The following KDM5A variants were observed in gnomAD, a reference collection of about 807,000 sequenced individuals.
KDM5A encodes the protein lysine demethylase 5A.
A neutral mutation model predicts 193.5 loss-of-function variants in KDM5A; 42 were observed. The observed-to-expected ratio is 0.22, with a 90% confidence interval of 0.17 to 0.28. The LOEUF (loss-of-function observed/expected upper bound fraction) is 0.28, where lower values mean the gene tolerates loss of function less well. KDM5A is among the 10% of genes least tolerant of loss of function. KDM5A has a pLI of 1.00. For synonymous variants in KDM5A, 796 were observed against 718.1 expected, an observed-to-expected ratio of 1.11 and a Z score of -1.73; for missense variants, 1,692 against 2,055.1, an observed-to-expected ratio of 0.82 and a Z score of 3.42.
At chr12:359,657 G>A (rs903624780) in intron 5 of KDM5A, among the ~76,000 whole-genome samples, 10 of 150,410 alleles carry the variant, frequency 6.6e-5, no homozygotes, top group Non-Finnish European at 1.3e-4. Context: ...TGGGAGGATG[G>A]CTTTAGCCCA....
intron 18 of KDM5A, among the ~76,000 whole-genome samples, chr12:319,541 AG>A (rs1324734318): frequency 6.6e-6 from 1 of 152,192 alleles, no homozygotes; most frequent in East Asian, 1.9e-4. Context: ...GCTTGAGCTC[AG>A]GAGTTTTGAG....
At chr12:323,287 A>G in intron 15 of KDM5A, 81 bp from the exon 16 acceptor site, 1 of 1,436,506 alleles carries the variant, frequency 7.0e-7, no homozygotes, top group Non-Finnish European at 9.3e-7. Context: ...TTAAAAATAA[A>G]GTTTTAAATA....
intron 24 of KDM5A, among the ~76,000 whole-genome samples, chr12:302,346 C>T (rs1279128542): frequency 1.3e-5 from 2 of 152,152 alleles, no homozygotes; most frequent in African/African-American, 4.8e-5. Flanking sequence ...TAGAACAGAA[C>T]AGAGGCCTCA....
chr12:350,915 C>T (rs1018696286), intron 9 of KDM5A, 136 bp from the exon 10 acceptor site: 5 of 774,152 alleles, frequency 6.5e-6, no homozygotes, highest in African/African-American at 3.5e-5. Context: ...CAGTAAAGAC[C>T]GAGATCCTAG....
At chr12:318,595 GAT>G (rs907524131) in intron 18 of KDM5A, 134 bp from the exon 19 acceptor site, 48 of 653,724 alleles carry the variant, frequency 7.3e-5, no homozygotes, top group Non-Finnish European at 1.2e-4. Flanking sequence ...CAAATATTCA[GAT>G]ATGACAGTTA....
intron 10 of KDM5A, 62 bp from the exon 11 acceptor site, chr12:334,484 C>T (rs1299243684): frequency 1.1e-5 from 15 of 1,409,428 alleles, no homozygotes; most frequent in African/African-American, 1.4e-5. Context: ...AATAGAAATG[C>T]CAAGGGAGTC....
intron 14 of KDM5A, 118 bp downstream of exon 14, chr12:328,717 A>T: frequency 2.3e-6 from 2 of 852,854 alleles, no homozygotes; most frequent in Non-Finnish European, 3.7e-6. Context: ...ATCTTCTCCA[A>T]ATCAGTGATC....
intron 27 of KDM5A, among the ~76,000 whole-genome samples, chr12:289,895 T>TTTTC (rs1310831543): frequency 2.7e-5 from 4 of 146,474 alleles, no homozygotes; most frequent in Non-Finnish European, 6.0e-5. Context: ...AAGCATGATT[T>TTTTC]TTTCTTTCTT....
intron 3 of KDM5A, among the ~76,000 whole-genome samples, chr12:371,044 T>C (rs1273304390): frequency 6.7e-6 from 1 of 148,758 alleles, no homozygotes; most frequent in Non-Finnish European, 1.5e-5. Context: ...GTTCCAAGTC[T>C]TTGCTATTGT....
Position 352,249 on chromosome 12 carries a change from T to C in KDM5A, c.1105A>G (p.Met369Val), listed in dbSNP as rs537935217. 3.1e-6 allele frequency: 5 copies of C among 1,611,196 alleles called. No homozygotes were observed. Among genetic ancestry groups the C allele is most frequent in the East Asian group, 2.2e-5 (1 of 44,752 alleles). Residue 369 changes from methionine to valine, a missense_variant, in exon 9 of 28, where the codon ATG becomes GTG. Met to Val is a conservative substitution (Grantham distance 21). This residue lies in a region of KDM5A where 62 missense variants were observed against 107.1 expected (regional missense o/e 0.58). Transcript: ENST00000399788. ...REYTLQSFGE[M>V]ADNFKSDYFN... ...TAATCAGACTTAAAATTATCTGCCA[T>C]CTCTCCAAAGCTCTGAAGTGTATAC...
In KDM5A at chr12:292,918, A is replaced by C; in HGVS notation, c.4707T>G (p.Ala1569=). ...EERKKKKEKA[A]AAKVELVKES... is the part of the protein sequence containing the mutation. ...CTTTCACAAGTTCAACTTTGGCTGC[A>C]GCAGCCTTCTCCTTCTTTTTCTTTC... The change falls in exon 27 of 28, where the codon GCT becomes GCG. Residue 1569 remains alanine (A), a synonymous_variant. Transcript: ENST00000399788. 6.2e-7 allele frequency: 1 copy of C among 1,614,020 alleles called. No individual in the cohort carries two copies. Among genetic ancestry groups the C allele is most frequent in the Non-Finnish European group, 8.5e-7 (1 of 1,179,998 alleles).
Position 363,115 on chromosome 12 carries a change from A to C in KDM5A, c.538-18T>G. ...TGCACACCCTAAAAGATCAGAGCAC[A>C]GAAAGAGAGCAGGTTCACTGATAAG... On this transcript the variant is annotated intron_variant, in intron 4 of 27. Coordinates refer to ENST00000399788, the MANE Select transcript of KDM5A (RefSeq NM_001042603.3). 6.2e-7 allele frequency: 1 copy of C among 1,613,954 alleles called. No individual in the cohort carries two copies. Among genetic ancestry groups the C allele is most frequent in the Non-Finnish European group, 8.5e-7 (1 of 1,179,822 alleles).
Position 284,704 on chromosome 12 carries a change from G to A in KDM5A, c.*752C>T, listed in dbSNP as rs76286555. ...TTCCCTAAAATGTAGACCCAAGACA[G>A]CAAGACTTTTCAAAGCCAAAAAACG... On this transcript the variant is annotated 3_prime_UTR_variant, in exon 28 of 28. Transcript: ENST00000399788. 1,653 of 232,052 alleles carry A rather than the reference G, an allele frequency of 7.1e-3. 34 individuals are homozygous for A. The highest frequency in any genetic ancestry group is 0.033 in the African/African-American group (1,478 of 45,320). 14.4% of individuals were successfully genotyped at this position (232,052 alleles called of 1,614,324 possible).
intron 5 of KDM5A, among the ~76,000 whole-genome samples, chr12:358,989 T>C (rs1206046031): frequency 1.1e-5 from 1 of 87,642 alleles, no homozygotes; most frequent in African/African-American, 3.0e-5. Context: ...AAATAAATAA[T>C]AAAAAATAAA....
chr12:285,999 A>T (rs539416437), intron 27 of KDM5A: 232 of 428,180 alleles, frequency 5.4e-4, no homozygotes, highest in African/African-American at 4.0e-3. Flanking sequence ...GCTAATATTA[A>T]CAATTTCTAG....
chr12:292,461 A>T (rs577280227), intron 27 of KDM5A, among the ~76,000 whole-genome samples: 1 of 152,148 alleles, frequency 6.6e-6, no homozygotes, highest in Non-Finnish European at 1.5e-5. Context: ...GATTATTCTG[A>T]AACTTGTTAT....
At chr12:386,605 G>C (rs867748300) in intron 1 of KDM5A, among the ~76,000 whole-genome samples, 1 of 152,158 alleles carries the variant, frequency 6.6e-6, no homozygotes, top group African/African-American at 2.4e-5. Context: ...CCAGCACATT[G>C]GGAGACTGAG....
At position 311,063 on chromosome 12, in the gene KDM5A, C is replaced by T; in HGVS notation, c.3038G>A (p.Ser1013Asn). 1.2e-6 allele frequency: 2 copies of T among 1,614,132 alleles called. No individual in the cohort carries two copies. Among genetic ancestry groups the T allele is most frequent in the Middle Eastern group, 1.6e-4 (1 of 6,062 alleles). Residue 1013 changes from serine to asparagine, a missense_variant and splice_region_variant, in exon 21 of 28, where the codon AGT (serine) becomes AAT (asparagine). Around this residue, in one of 11 missense-constraint regions of KDM5A, gnomAD observed 965 missense variants for 1,061.0 expected, o/e 0.91. Coordinates refer to ENST00000399788, the MANE Select transcript of KDM5A (RefSeq NM_001042603.3). ...CTCCAAATAAGCGTAATTGCTGCCA[C>T]TCTGAAAAACCAAAGTAGATTCTCA... is the stretch of plus-strand genomic sequence containing the variant. ...EWTAKVEAIQSGSNYAYLEQL... is the reference protein window; with the variant it reads ...EWTAKVEAIQNGSNYAYLEQL...
chr12:356,150 C>T (rs1296349955), intron 6 of KDM5A, among the ~76,000 whole-genome samples: 2 of 152,184 alleles, frequency 1.3e-5, no homozygotes, highest in African/African-American at 4.8e-5. Flanking sequence ...ATCATTCTCT[C>T]ATAAACCAGC....
Sources: allele counts gnomAD v4.1 joint callset (sites outside exome capture counted in the v4.1 genomes callset), GRCh38; gene constraint gnomAD v4.1.1; regional missense constraint gnomAD v4.1.1; transcripts MANE v1.5; gene names NCBI Gene and HGNC (gene_info 2026-07-23, HGNC 2026-07-21).